PACRG: variants seen among roughly 807,000 people sequenced by gnomAD.
PACRG encodes parkin coregulated gene protein.
PACRG carries 29 observed loss-of-function variants against 29.7 expected under a neutral mutation model. That is an observed-to-expected ratio of 0.98 (90% CI 0.73 to 1.33). The LOEUF is 1.33. Among genes scored for constraint, PACRG ranks in the 40% most tolerant of loss-of-function variants. The probability of loss-of-function intolerance (pLI) is 0.00; values close to 1 mark genes in which losing one functional copy is unlikely to be tolerated. For synonymous variants in PACRG, 116 were observed against 118.7 expected, an observed-to-expected ratio of 0.98 and a Z score of 0.15; for missense variants, 279 against 316.2, an observed-to-expected ratio of 0.88 and a Z score of 0.89.
At chr6:162,738,638 A>G (rs949777032) in intron 1 of PACRG, among the ~76,000 whole-genome samples, 1 of 152,194 alleles carries the variant, frequency 6.6e-6, no homozygotes, top group Non-Finnish European at 1.5e-5. Context: ...GCATAGCACT[A>G]TACTGTATTT....
intron 4 of PACRG, among the ~76,000 whole-genome samples, chr6:163,209,827 T>C (rs1261624410): frequency 2.0e-5 from 3 of 152,200 alleles, no homozygotes; most frequent in Admixed American, 1.3e-4. Context: ...AAACATATTC[T>C]TTATTTTACC....
chr6:162,906,788 G>A (rs1795964087), intron 2 of PACRG, among the ~76,000 whole-genome samples: 1 of 152,100 alleles, frequency 6.6e-6, no homozygotes, highest in Non-Finnish European at 1.5e-5. Context: ...TCCATTACTA[G>A]CTTTCATTCA....
At chr6:162,841,146 A>G (rs577868518) in intron 2 of PACRG, among the ~76,000 whole-genome samples, 133 of 144,882 alleles carry the variant, frequency 9.2e-4, no homozygotes, top group African/African-American at 3.5e-3. Flanking sequence ...TTTTCTGTTG[A>G]TTGGAATAGT....
intron 1 of PACRG, among the ~76,000 whole-genome samples, chr6:162,745,561 A>G (rs1326615455): frequency 2.0e-5 from 3 of 152,180 alleles, no homozygotes; most frequent in Admixed American, 2.0e-4. Context: ...ATAAAAATAA[A>G]ATAAAAATCT....
rs115660656 is a variant in PACRG, at chr6:162,847,729, A to G, written c.291+33448A>G. Among the ~76,000 whole-genome samples, 314 of 152,162 alleles carry G rather than the reference A, an allele frequency of 2.1e-3. 3 individuals carry two copies. Among genetic ancestry groups the G allele is most frequent in the African/African-American group, 7.1e-3 (295 of 41,496 alleles). On this transcript the variant is annotated intron_variant, in intron 2 of 4. Coordinates refer to ENST00000366888, the MANE Select transcript of PACRG (RefSeq NM_001080379.2). ...TGTTTGAAGGCACAAAGGGGCCAAC[A>G]GCAGCATGCATTGCAAGATTCACAG...
chr6:162,865,163 C>T (rs1349701202), intron 2 of PACRG, among the ~76,000 whole-genome samples: 2 of 152,302 alleles, frequency 1.3e-5, no homozygotes, highest in African/African-American at 4.8e-5. Context: ...TGGACTGCGG[C>T]TCTCAATGAT....
At chr6:162,978,118 TG>T (rs1435348748) in intron 2 of PACRG, among the ~76,000 whole-genome samples, 17 of 150,712 alleles carry the variant, frequency 1.1e-4, no homozygotes, top group African/African-American at 4.2e-4. Flanking sequence ...TACTCCAGCC[TG>T]GGTGACAGAG....
At chr6:162,995,294 G>C (rs1352784944) in intron 2 of PACRG, among the ~76,000 whole-genome samples, 4 of 150,562 alleles carry the variant, frequency 2.7e-5, no homozygotes, top group Admixed American at 6.6e-5. Flanking sequence ...CGGCTGCTTT[G>C]TTTACCTAAG....
intron 2 of PACRG, among the ~76,000 whole-genome samples, chr6:162,916,348 T>G (rs1562730103): frequency 6.6e-6 from 1 of 152,182 alleles, no homozygotes; most frequent in Non-Finnish European, 1.5e-5. Context: ...AGTTGGACTA[T>G]GATGTGTTTG....
chr6:163,057,881 G>A lies in PACRG; in HGVS notation c.292-4269G>A, dbSNP rs946287268. Among the ~76,000 whole-genome samples, 4 of 152,314 alleles carry A rather than the reference G, an allele frequency of 2.6e-5. No individual in the cohort carries two copies. The South Asian group carries it at 8.3e-4, about 32-fold the overall frequency. ...ACCATTTAGACAAGGTACTAGGCCA[G>A]TCTTTCCTAGAAAGAATTTATAAAG... On this transcript the variant is annotated intron_variant, in intron 2 of 4. Transcript: ENST00000366888.
chr6:163,000,124 A>G lies in PACRG; in HGVS notation c.292-62026A>G, dbSNP rs534692771. Among the ~76,000 whole-genome samples, 40 of 152,298 alleles carry G rather than the reference A, an allele frequency of 2.6e-4. 2 individuals are homozygous for G. In the South Asian group the frequency reaches 7.9e-3, roughly 30 times the overall value. ...TTGTCCTGGGTTACACATCCGAGGTAGCAGTCAACTGAGTCATTTTAGTCT... is the reference window on the plus strand; with the variant it reads ...TTGTCCTGGGTTACACATCCGAGGTGGCAGTCAACTGAGTCATTTTAGTCT... On this transcript the variant is annotated intron_variant, in intron 2 of 4. Coordinates refer to ENST00000366888, the MANE Select transcript of PACRG (RefSeq NM_001080379.2).
At chr6:163,131,177 G>A (rs1014716058) in intron 4 of PACRG, among the ~76,000 whole-genome samples, 10 of 152,134 alleles carry the variant, frequency 6.6e-5, no homozygotes, top group South Asian at 2.1e-4. Context: ...GCGTGGTGGC[G>A]GGCGCCTGTA....
intron 1 of PACRG, among the ~76,000 whole-genome samples, chr6:162,784,139 A>G (rs1784287006): frequency 6.6e-6 from 1 of 152,116 alleles, no homozygotes; most frequent in Non-Finnish European, 1.5e-5. Context: ...AGAAATTTTT[A>G]TTTCTTCAAG....
At chr6:162,780,229 G>A (rs1388276826) in intron 1 of PACRG, among the ~76,000 whole-genome samples, 2 of 152,028 alleles carry the variant, frequency 1.3e-5, no homozygotes, top group Admixed American at 1.3e-4. Flanking sequence ...ATATTTCAAG[G>A]GGCATTGAGT....
chr6:162,936,516 A>G (rs923672132), intron 2 of PACRG, among the ~76,000 whole-genome samples: 7 of 152,382 alleles, frequency 4.6e-5, no homozygotes, highest in Non-Finnish European at 1.0e-4. Context: ...GCCTAAAAAT[A>G]TACTCAGAAT....
chr6:163,215,561 A>T (rs1781329499), intron 4 of PACRG, among the ~76,000 whole-genome samples: 2 of 152,210 alleles, frequency 1.3e-5, no homozygotes, highest in Non-Finnish European at 2.9e-5. Flanking sequence ...TGCATTTAAG[A>T]TGCTCATGGG....
chr6:162,727,722 G>A, upstream of PACRG: 2 of 1,536,118 alleles, frequency 1.3e-6, no homozygotes, highest in South Asian at 2.4e-5. Flanking sequence ...GCGCGCAGCG[G>A]CGCCAGCCGC....
rs377212483 is a variant in PACRG at position 163,237,200 on chromosome 6, C to G, written c.614-77627C>G. Among the ~76,000 whole-genome samples the G allele has an allele frequency of 1.5e-3, 224 of 152,078 alleles. 1 individual carries two copies. The highest frequency in any genetic ancestry group is 5.0e-3 in the African/African-American group (206 of 41,468). ...AATTTCATCAAACCTAAATATATAT[C>G]AGTGGTTTGATTGGCTAGTTGGTGG... On this transcript the variant is annotated intron_variant, in intron 4 of 4. Coordinates refer to ENST00000366888, the MANE Select transcript of PACRG (RefSeq NM_001080379.2).
chr6:163,244,621 G>C lies in PACRG; in HGVS notation c.614-70206G>C, dbSNP rs181784729. 3.3e-5 allele frequency among the ~76,000 whole-genome samples: 5 copies of C among 152,282 alleles called. No individual in the cohort carries two copies. In the East Asian group the frequency reaches 9.6e-4, roughly 29 times the overall value. On this transcript the variant is annotated intron_variant, in intron 4 of 4. Coordinates refer to ENST00000366888, the MANE Select transcript of PACRG (RefSeq NM_001080379.2). ...TGAACTCAAGCCCCGGAGATCAAAA[G>C]TCCCATACTGTGGAAGCTTTAAGTA...
Sources: gnomAD v4.1 joint callset for allele counts (sites outside exome capture counted in the v4.1 genomes callset) on GRCh38, gnomAD v4.1.1 for gene constraint, MANE v1.5 for transcripts, NCBI Gene and HGNC (gene_info 2026-07-23, HGNC 2026-07-21) for gene names.